Variants in STPG2 observed in about 807,000 individuals in gnomAD.
STPG2 encodes sperm tail PG-rich repeat containing 2, also known as sperm-tail PG-rich repeat-containing protein 2.
A neutral mutation model predicts 54.2 loss-of-function variants in STPG2; 56 were observed. The ratio of observed to expected loss-of-function variants is 1.03; its 90% CI spans 0.83 to 1.29. The LOEUF (loss-of-function observed/expected upper bound fraction) is 1.29. Ranked by LOEUF, STPG2 falls within the 50% of genes most tolerant of loss-of-function variation. The pLI is 0.00. For missense variants in STPG2, 596 were observed against 544.9 expected, an observed-to-expected ratio of 1.09 and a Z score of -0.93; for synonymous variants, 200 against 181.8, an observed-to-expected ratio of 1.10 and a Z score of -0.81.
chr4:98,106,099 A>G, intron 4 of STPG2, 35 bp from the exon 5 acceptor site: 1 of 1,289,644 alleles, frequency 7.8e-7, no homozygotes, highest in Non-Finnish European at 1.0e-6. Context: ...AAGAATTCTC[A>G]ATTTTAAACC....
At chr4:97,780,326 C>A (rs1726557351) in intron 9 of STPG2, among the ~76,000 whole-genome samples, 1 of 26,568 alleles carries the variant, frequency 3.8e-5, no homozygotes, top group Non-Finnish European at 7.4e-5. Context: ...GATCAAAAGA[C>A]ACAAAGAAGG....
In STPG2 at chr4:97,856,080, T is replaced by C. The variant is rs143772300; in HGVS notation, c.1045-15148A>G. On this transcript the variant is annotated intron_variant, in intron 8 of 10. Transcript: ENST00000295268. The stretch of plus-strand genomic sequence containing the variant: ...TTTTGGTTACTGTAGCCCCGGACTA[T>C]AGTGTGAAGTCAGGTAGCATGATGC... Among the ~76,000 whole-genome samples, 202 of 152,312 alleles carry C rather than the reference T, an allele frequency of 1.3e-3. 4 individuals are homozygous for C. The East Asian group carries it at 0.034, about 26-fold the overall frequency.
chr4:97,654,411 C>T (rs1256425912), intron 10 of STPG2, among the ~76,000 whole-genome samples: 2 of 151,858 alleles, frequency 1.3e-5, no homozygotes, highest in Non-Finnish European at 2.9e-5. Context: ...AAAAGACTTC[C>T]GAGAAATAAT....
chr4:98,014,991 C>T (rs1445957528), intron 5 of STPG2, among the ~76,000 whole-genome samples: 1 of 152,072 alleles, frequency 6.6e-6, no homozygotes, highest in Non-Finnish European at 1.5e-5. Flanking sequence ...ATGATTGTTC[C>T]CTAGTATGCA....
intron 9 of STPG2, among the ~76,000 whole-genome samples, chr4:97,757,810 A>C (rs1725777376): frequency 6.6e-6 from 1 of 152,146 alleles, no homozygotes; most frequent in African/African-American, 2.4e-5. Context: ...AGCTTGAATA[A>C]GTTGTGAGGT....
intron 7 of STPG2, among the ~76,000 whole-genome samples, chr4:97,971,463 T>C (rs1473076077): frequency 6.6e-6 from 1 of 152,172 alleles, no homozygotes; most frequent in Non-Finnish European, 1.5e-5. Context: ...CATGGAATAC[T>C]ATGCAGCCAT....
chr4:97,570,491 T>C lies in STPG2; in HGVS notation c.1321-11374A>G, dbSNP rs576745832. ...AATTTGCCTAAAAGCAGGCCAAAGA[T>C]AAAAGATACCACTCTCTACTCTAGC... On this transcript the variant is annotated intron_variant, in intron 10 of 10. Coordinates refer to ENST00000295268, the MANE Select transcript of STPG2 (RefSeq NM_174952.3). 2.6e-5 allele frequency among the ~76,000 whole-genome samples: 4 copies of C among 151,926 alleles called. No homozygotes were observed. In the South Asian group the frequency reaches 8.3e-4, roughly 32 times the overall value.
chr4:97,884,217 G>A (rs2149167789), intron 8 of STPG2, among the ~76,000 whole-genome samples: 1 of 152,294 alleles, frequency 6.6e-6, no homozygotes, highest in South Asian at 2.1e-4. Context: ...GAATCAGACA[G>A]GGTCCAATAA....
chr4:97,934,719 G>A (rs551326982), intron 8 of STPG2, among the ~76,000 whole-genome samples: 47 of 152,246 alleles, frequency 3.1e-4, no homozygotes, highest in South Asian at 1.2e-3. Context: ...CGACATGACC[G>A]TTGTGGATAA....
At chr4:98,024,502 G>C (rs1736349507) in intron 5 of STPG2, among the ~76,000 whole-genome samples, 1 of 152,124 alleles carries the variant, frequency 6.6e-6, no homozygotes, top group Non-Finnish European at 1.5e-5. Flanking sequence ...TTCTCCCATT[G>C]CTTGTGTTTT....
At chr4:97,724,998 A>T (rs1256358795) in intron 9 of STPG2, among the ~76,000 whole-genome samples, 1 of 152,068 alleles carries the variant, frequency 6.6e-6, no homozygotes, top group Non-Finnish European at 1.5e-5. Context: ...CTTGACTCAA[A>T]TCCTGTTGAT....
At chr4:97,748,153 A>T (rs1725477641) in intron 9 of STPG2, among the ~76,000 whole-genome samples, 1 of 151,480 alleles carries the variant, frequency 6.6e-6, no homozygotes, top group Non-Finnish European at 1.5e-5. Context: ...GATCAGAAAG[A>T]GGGAAAGCAC....
At chr4:97,628,753 A>G (rs1471766878) in intron 10 of STPG2, among the ~76,000 whole-genome samples, 2 of 152,110 alleles carry the variant, frequency 1.3e-5, no homozygotes, top group Non-Finnish European at 2.9e-5. Context: ...CAGTCAACCA[A>G]CAGTCTAAGT....
intron 4 of STPG2, among the ~76,000 whole-genome samples, chr4:97,537,502 T>C (rs1393258816): frequency 6.6e-6 from 1 of 151,292 alleles, no homozygotes; most frequent in Admixed American, 6.6e-5. Flanking sequence ...GGGGGAGGAG[T>C]GTCCACCATT....
At chr4:97,987,596 G>T (rs963535671) in intron 5 of STPG2, among the ~76,000 whole-genome samples, 1 of 151,916 alleles carries the variant, frequency 6.6e-6, no homozygotes, top group African/African-American at 2.4e-5. Context: ...TAATTACATT[G>T]ATAAGTACCT....
In STPG2 at chr4:98,036,058, A is replaced by C. The variant is rs186897350; in HGVS notation, c.613-54740T>G. The stretch of plus-strand genomic sequence containing the variant: ...ATGTATACCTCTGTAACAAACCTAC[A>C]TGTTCTGCACATATACCCCAGAACT... On this transcript the variant is annotated intron_variant, in intron 5 of 10. Transcript: ENST00000295268. 2.4e-4 allele frequency among the ~76,000 whole-genome samples: 37 copies of C among 152,290 alleles called. 1 individual carries two copies. Among genetic ancestry groups the C allele is most frequent in the African/African-American group, 7.7e-4 (32 of 41,568 alleles).
chr4:97,910,713 A>G (rs1731646100), intron 8 of STPG2, among the ~76,000 whole-genome samples: 1 of 152,256 alleles, frequency 6.6e-6, no homozygotes, highest in African/African-American at 2.4e-5. Context: ...ATTTCAACTA[A>G]AATGAGAAAA....
chr4:97,740,303 C>T (rs1295861730), intron 9 of STPG2, among the ~76,000 whole-genome samples: 1 of 152,146 alleles, frequency 6.6e-6, no homozygotes, highest in South Asian at 2.1e-4. Context: ...AAAACTGGCA[C>T]AAGACAGGGA....
At chr4:98,080,601 C>CT (rs1213019136) in intron 5 of STPG2, among the ~76,000 whole-genome samples, 1 of 152,126 alleles carries the variant, frequency 6.6e-6, no homozygotes, top group Admixed American at 6.5e-5. Context: ...GTGTAGCAGG[C>CT]TATCAACAAG....
Sources: allele counts gnomAD v4.1 joint callset (sites outside exome capture counted in the v4.1 genomes callset), GRCh38; gene constraint gnomAD v4.1.1; transcripts MANE v1.5; gene names NCBI Gene and HGNC (gene_info 2026-07-23, HGNC 2026-07-21).